The following NXN variants were observed in gnomAD, a reference collection of about 807,000 sequenced individuals.
NXN encodes nucleoredoxin 1.
A neutral mutation model predicts 48.6 loss-of-function variants in NXN; 16 were observed. That is an observed-to-expected ratio of 0.33 (90% CI 0.22 to 0.50). The LOEUF is 0.50. NXN is among the 20% of genes least tolerant of loss of function. The probability of loss-of-function intolerance (pLI) is 0.98; values close to 1 mark genes in which losing one functional copy is unlikely to be tolerated. For missense variants in NXN, 492 were observed against 605.5 expected (o/e 0.81, Z 1.97); for synonymous variants, 281 against 269.6 (o/e 1.04, Z -0.41).
At chr17:801,443 C>CTTTTTTT (rs71371579) in intron 7 of NXN, among the ~76,000 whole-genome samples, 1,258 of 104,266 alleles carry the variant, frequency 0.012, 56 homozygotes, top group East Asian at 0.028. Flanking sequence ...ATGTCACATT[C>CTTTTTTT]TTTTTTTTTT....
At position 801,204 on chromosome 17, in the gene NXN, C is replaced by A. The variant is rs563574539; in HGVS notation, c.1126-73G>T. The A allele has an allele frequency of 5.5e-6, 7 of 1,264,066 alleles. No homozygotes were observed. In the Admixed American group the frequency reaches 1.9e-4, roughly 34 times the overall value. 78.3% of individuals were successfully genotyped at this position (1,264,066 alleles called of 1,614,324 possible). A position where few individuals can be genotyped will look rare whatever the true frequency, so the allele number is the denominator to read the frequency against. On this transcript the variant is annotated intron_variant, in intron 7 of 7. Transcript: ENST00000336868. ...AGGGGGAGAGTCCCCTGGGCCCAGTCTCCCCAGGTGTGGTAGCTCCCGCAC... is the reference window on the plus strand; with the variant it reads ...AGGGGGAGAGTCCCCTGGGCCCAGTATCCCCAGGTGTGGTAGCTCCCGCAC...
At chr17:881,432 G>A (rs1214142141) in intron 1 of NXN, among the ~76,000 whole-genome samples, 1 of 152,158 alleles carries the variant, frequency 6.6e-6, no homozygotes, top group Non-Finnish European at 1.5e-5. Context: ...TCGCCATGTT[G>A]CTCAGGCTAG....
chr17:878,293 T>C (rs7221022), intron 1 of NXN: 35,126 of 149,746 alleles, frequency 0.23, 4,219 homozygotes, highest in Middle Eastern at 0.26. Flanking sequence ...GGGCGATGTG[T>C]CTGGGGACCC....
At chr17:915,918 T>C (rs929717245) in intron 1 of NXN, among the ~76,000 whole-genome samples, 1 of 106,850 alleles carries the variant, frequency 9.4e-6, no homozygotes, top group Non-Finnish European at 1.8e-5. Flanking sequence ...CTTTTGTCCT[T>C]GTCCCTAGAG....
rs199665864 is a variant in NXN, at chr17:826,036, G to C, written c.403C>G (p.Leu135Val). ...CCAGTGGTGGCGTCGAGGAATATTA[G>C]TGATGGAATGTTGGAAATTCGGTAT... The part of the protein sequence containing the change: ...NKYRISNIPS[L>V]IFLDATTGKV... The change falls in exon 2 of 8, where the codon CTA (leucine) becomes GTA (valine). Residue 135 changes from leucine to valine, a missense_variant. Around this residue, in one of 3 missense-constraint regions of NXN, gnomAD observed 186 missense variants for 199.1 expected, o/e 0.93. Transcript: ENST00000336868. 196 of 1,613,964 alleles carry C rather than the reference G, an allele frequency of 1.2e-4. No homozygotes were observed. Among genetic ancestry groups the C allele is most frequent in the Non-Finnish European group, 1.5e-4 (173 of 1,179,940 alleles).
Position 847,609 on chromosome 17 carries a change from G to A in NXN, c.361-21531C>T, listed in dbSNP as rs376485870. 7.9e-5 allele frequency among the ~76,000 whole-genome samples: 12 copies of A among 152,238 alleles called. 2 individuals are homozygous for A. The highest frequency in any genetic ancestry group is 2.2e-4 in the African/African-American group (9 of 41,540). On this transcript the variant is annotated intron_variant, in intron 1 of 7. Transcript: ENST00000336868. ...AGCCACGTCCACAGCAAAAGGAATC[G>A]TGTCCGACACTAAGAAACTGTGACC... is the stretch of plus-strand genomic sequence containing the variant.
intron 1 of NXN, among the ~76,000 whole-genome samples, chr17:886,458 G>A (rs533293320): frequency 1.9e-4 from 29 of 152,276 alleles, no homozygotes; most frequent in Admixed American, 1.1e-3. Context: ...GGCTGGCAGC[G>A]CACGGAGAGG....
chr17:800,864 G>T lies in NXN; in HGVS notation c.*85C>A. ...ACTTGGGTGGTGGGATTCGGGGCAC[G>T]CTGGGTAAGTCCAAGGGCGGAAGGA... is the stretch of plus-strand genomic sequence containing the variant. On this transcript the variant is annotated 3_prime_UTR_variant, in exon 8 of 8. Transcript: ENST00000336868. The T allele has an allele frequency of 3.1e-6, 3 of 966,784 alleles. No homozygotes were observed. Among genetic ancestry groups the T allele is most frequent in the South Asian group, 3.2e-5 (1 of 30,974 alleles). 59.9% of individuals were successfully genotyped at this position (966,784 alleles called of 1,614,324 possible).
chr17:888,564 G>T (rs1001397226), intron 1 of NXN, among the ~76,000 whole-genome samples: 1 of 152,030 alleles, frequency 6.6e-6, no homozygotes, highest in African/African-American at 2.4e-5. Flanking sequence ...GTGCTCTTAG[G>T]TCTTCAGACA....
In NXN at chr17:958,653, C is replaced by A. The variant is rs1433879566; in HGVS notation, c.360+20666G>T. 6.6e-6 allele frequency among the ~76,000 whole-genome samples: 1 copy of A among 152,116 alleles called. No homozygotes were observed. Among genetic ancestry groups the A allele is most frequent in the African/African-American group, 2.4e-5 (1 of 41,424 alleles). ...AGGCGTGGTGGCGTGCGCCTGTAGT[C>A]CCAGCTACTCAGGAGGCTGAGGCAG... On this transcript the variant is annotated intron_variant, in intron 1 of 7. Coordinates refer to ENST00000336868, the MANE Select transcript of NXN (RefSeq NM_022463.5). The surrounding 1 kb of genome is among the most constrained non-coding windows in gnomAD (Gnocchi z 6.9).
intron 1 of NXN, among the ~76,000 whole-genome samples, chr17:882,942 C>T (rs529085320): frequency 6.6e-6 from 1 of 152,282 alleles, no homozygotes; most frequent in East Asian, 1.9e-4. Flanking sequence ...TTAGTAGACA[C>T]AGGGTTTCAC....
chr17:879,375 C>T (rs1185422173), intron 1 of NXN, among the ~76,000 whole-genome samples: 4 of 150,978 alleles, frequency 2.6e-5, no homozygotes, highest in Admixed American at 2.0e-4. Context: ...CTATAGCCTC[C>T]GTCTCCCAGG....
At chr17:875,762 A>T (rs1009542992) in intron 1 of NXN, among the ~76,000 whole-genome samples, 8 of 66,288 alleles carry the variant, frequency 1.2e-4, no homozygotes, top group South Asian at 8.7e-4. Flanking sequence ...CTGGTAAATT[A>T]AAAAAAAAAA....
At chr17:828,304 A>G (rs939732477) in intron 1 of NXN, among the ~76,000 whole-genome samples, 6 of 149,250 alleles carry the variant, frequency 4.0e-5, no homozygotes, top group Non-Finnish European at 8.9e-5. Flanking sequence ...GGGTTTCACC[A>G]TGTTGGCCAG....
At chr17:951,634 C>T (rs938821926) in intron 1 of NXN, among the ~76,000 whole-genome samples, 2 of 151,962 alleles carry the variant, frequency 1.3e-5, no homozygotes, top group Admixed American at 1.3e-4. Context: ...CAGGCGCTCT[C>T]TGGCAGAGGC....
intron 1 of NXN, among the ~76,000 whole-genome samples, chr17:829,516 C>G (rs568183516): frequency 1.3e-5 from 2 of 149,032 alleles, no homozygotes; most frequent in South Asian, 4.2e-4. Flanking sequence ...AGGTTTGTTA[C>G]GTAGGAATAC....
chr17:915,650 C>T (rs780841181), intron 1 of NXN, among the ~76,000 whole-genome samples: 4 of 152,140 alleles, frequency 2.6e-5, no homozygotes, highest in Admixed American at 1.3e-4. Flanking sequence ...GTAACGCTTC[C>T]GAGCTTTGGT....
chr17:962,262 C>T (rs1012820983), intron 1 of NXN, among the ~76,000 whole-genome samples: 1 of 152,170 alleles, frequency 6.6e-6, no homozygotes, highest in African/African-American at 2.4e-5. Context: ...TGAGACACTG[C>T]AGGTGAATTT....
At chr17:972,802 C>T (rs747759398) in intron 1 of NXN, among the ~76,000 whole-genome samples, 14 of 152,260 alleles carry the variant, frequency 9.2e-5, no homozygotes, top group African/African-American at 2.9e-4. Context: ...GAGGCTGACG[C>T]GGGTGGATCA....
Sources: allele counts gnomAD v4.1 joint callset (sites outside exome capture counted in the v4.1 genomes callset), GRCh38; gene constraint gnomAD v4.1.1; regional missense constraint gnomAD v4.1.1; non-coding constraint Gnocchi (gnomAD v3.1); transcripts MANE v1.5; gene names NCBI Gene and HGNC (gene_info 2026-07-23, HGNC 2026-07-21).